Variants in EXOC4 observed in about 807,000 individuals in gnomAD.
EXOC4 encodes the protein exocyst complex component 4, also known as SEC8-like 1.
In EXOC4, 71 loss-of-function variants were observed where a neutral mutation model predicts 107.2. The observed-to-expected ratio is 0.66, with a 90% CI of 0.55 to 0.81. The LOEUF is 0.81. Ranked by LOEUF, EXOC4 falls within the 30% of genes least tolerant of loss-of-function variation. The probability of loss-of-function intolerance (pLI) is 0.00; values close to 1 mark genes in which losing one functional copy is unlikely to be tolerated. For synonymous variants in EXOC4, 456 were observed against 441.2 expected (o/e 1.03, Z -0.42); for missense variants, 1,108 against 1,189.6 (o/e 0.93, Z 1.01).
At chr7:133,269,059 A>G (rs1033349578) in intron 1 of EXOC4, among the ~76,000 whole-genome samples, 4 of 152,214 alleles carry the variant, frequency 2.6e-5, no homozygotes, top group Admixed American at 1.3e-4. Flanking sequence ...GAGTGATTCA[A>G]TAACTTGAAT....
the EXOC4 span, among the ~76,000 whole-genome samples, chr7:134,100,736 G>T: frequency 1.5e-5 from 2 of 130,132 alleles, no homozygotes; most frequent in African/African-American, 2.6e-5. Context: ...ACGAGGTCAA[G>T]AGATAGAGAG....
At chr7:133,448,241 C>G (rs1351891590) in intron 7 of EXOC4, among the ~76,000 whole-genome samples, 1 of 152,114 alleles carries the variant, frequency 6.6e-6, no homozygotes, top group Admixed American at 6.5e-5. Context: ...GGAAACCCCA[C>G]CAGTCCTATA....
chr7:133,267,282 C>T (rs1318309957), intron 1 of EXOC4, among the ~76,000 whole-genome samples: 2 of 152,162 alleles, frequency 1.3e-5, no homozygotes, highest in African/African-American at 4.8e-5. Flanking sequence ...TAAAAGCTCA[C>T]AAAGTTGGGC....
chr7:133,329,167 T>A (rs1795318967), intron 5 of EXOC4, among the ~76,000 whole-genome samples: 1 of 152,222 alleles, frequency 6.6e-6, no homozygotes, highest in South Asian at 2.1e-4. Context: ...TTTCATTAAT[T>A]TGATCTTCAA....
chr7:133,598,190 G>A (rs1004267660), intron 9 of EXOC4, among the ~76,000 whole-genome samples: 1 of 152,162 alleles, frequency 6.6e-6, no homozygotes, highest in Non-Finnish European at 1.5e-5. Flanking sequence ...ACAAGGGAGG[G>A]CCAGAAGTGT....
intron 7 of EXOC4, among the ~76,000 whole-genome samples, chr7:133,416,009 G>C (rs1797467271): frequency 6.6e-6 from 1 of 152,126 alleles, no homozygotes; most frequent in African/African-American, 2.4e-5. Flanking sequence ...AACCATGTCA[G>C]ATCACACAGA....
At chr7:133,458,083 C>G (rs1045411147) in intron 7 of EXOC4, among the ~76,000 whole-genome samples, 6 of 152,188 alleles carry the variant, frequency 3.9e-5, no homozygotes, top group Non-Finnish European at 7.3e-5. Context: ...GTTATTTTTA[C>G]TGGCTAGATA....
At chr7:133,888,018 G>A (rs557811637) in intron 11 of EXOC4, among the ~76,000 whole-genome samples, 8 of 152,132 alleles carry the variant, frequency 5.3e-5, no homozygotes, top group Non-Finnish European at 1.0e-4. Context: ...TATAGAGACT[G>A]TAATTTGGCT....
In EXOC4 at chr7:133,519,193, T is replaced by C. The variant is rs192375764; in HGVS notation, c.1417+39055T>C. Among the ~76,000 whole-genome samples the C allele has an allele frequency of 1.6e-4, 25 of 152,216 alleles. No individual in the cohort carries two copies. The East Asian group carries it at 4.8e-3, about 29-fold the overall frequency. On this transcript the variant is annotated intron_variant, in intron 9 of 17. Transcript: ENST00000253861. Reference sequence around the variant, plus strand: ...AATTTGGGAGGCTGAGGTGGGTCAATTGCTTGATTCCAGGAGTTTGAGACC... The same window carrying C: ...AATTTGGGAGGCTGAGGTGGGTCAACTGCTTGATTCCAGGAGTTTGAGACC...
chr7:133,310,951 A>G (rs1194088580), intron 4 of EXOC4, among the ~76,000 whole-genome samples: 1 of 152,224 alleles, frequency 6.6e-6, no homozygotes, highest in East Asian at 1.9e-4. Context: ...AAGAGAAAAC[A>G]AAGGAAATCA....
the EXOC4 span, among the ~76,000 whole-genome samples, chr7:134,087,833 C>T: frequency 6.6e-6 from 1 of 152,128 alleles, no homozygotes. Flanking sequence ...TTTATTAAGA[C>T]AAATCATGGT....
the EXOC4 span, among the ~76,000 whole-genome samples, chr7:134,086,409 A>G: frequency 2.4e-4 from 36 of 152,212 alleles, no homozygotes; most frequent in Non-Finnish European, 3.7e-4. Context: ...ATTGTAAACA[A>G]TTCCTTTCAG....
At chr7:134,043,715 G>A (rs777796921) in intron 17 of EXOC4, among the ~76,000 whole-genome samples, 3 of 152,170 alleles carry the variant, frequency 2.0e-5, no homozygotes, top group Non-Finnish European at 4.4e-5. Flanking sequence ...ATTGAGGAGT[G>A]CAATGGTTTC....
chr7:134,070,440 A>G (rs7789921), downstream of EXOC4, among the ~76,000 whole-genome samples: 117,276 of 152,030 alleles, frequency 0.77, 46,076 homozygotes, highest in African/African-American at 0.91. Flanking sequence ...TTCCAACTGG[A>G]CTGGGGTGTA....
intron 9 of EXOC4, among the ~76,000 whole-genome samples, chr7:133,625,471 T>G (rs1802431770): frequency 6.6e-6 from 1 of 152,250 alleles, no homozygotes; most frequent in Non-Finnish European, 1.5e-5. Flanking sequence ...CATAGTCATT[T>G]CAGTGAGAAT....
At chr7:133,849,746 A>T (rs1441882594) in intron 11 of EXOC4, among the ~76,000 whole-genome samples, 1 of 152,220 alleles carries the variant, frequency 6.6e-6, no homozygotes. Flanking sequence ...TCACCATTGT[A>T]TCTCTAATGC....
intron 7 of EXOC4, among the ~76,000 whole-genome samples, chr7:133,412,341 G>A (rs1277343217): frequency 8.5e-6 from 1 of 117,932 alleles, no homozygotes; most frequent in African/African-American, 3.4e-5. Flanking sequence ...GCTGATAAAA[G>A]TGGTATGTTG....
intron 7 of EXOC4, among the ~76,000 whole-genome samples, chr7:133,408,270 G>A (rs1327880646): frequency 1.3e-5 from 2 of 151,426 alleles, no homozygotes; most frequent in Non-Finnish European, 2.9e-5. Context: ...GGTGATCGTG[G>A]GGGTCATGGT....
chr7:133,394,927 G>T (rs1382073901), intron 7 of EXOC4, among the ~76,000 whole-genome samples: 1 of 151,058 alleles, frequency 6.6e-6, no homozygotes, highest in Non-Finnish European at 1.5e-5. Flanking sequence ...AAAAAAAAGG[G>T]AAAAAAGAAA....
Sources: allele counts gnomAD v4.1 joint callset (sites outside exome capture counted in the v4.1 genomes callset), GRCh38; gene constraint gnomAD v4.1.1; transcripts MANE v1.5; gene names NCBI Gene and HGNC (gene_info 2026-07-23, HGNC 2026-07-21).